The following ABITRAM variants were observed in gnomAD, a reference collection of about 807,000 sequenced individuals.
ABITRAM encodes actin binding transcription modulator.
Under a neutral mutation model 22.9 loss-of-function variants are expected in ABITRAM, and 19 were observed. The observed-to-expected ratio is 0.83, with a 90% CI of 0.58 to 1.22. The LOEUF is 1.22. Among genes scored for constraint, ABITRAM ranks in the 50% most tolerant of loss-of-function variants. The probability of loss-of-function intolerance (pLI) is 0.00; values close to 1 mark genes in which losing one functional copy is unlikely to be tolerated. For synonymous variants in ABITRAM, 70 were observed against 73.9 expected (o/e 0.95, Z 0.27); for missense variants, 215 against 220.2 (o/e 0.98, Z 0.15).
chr9:108,949,115 A>T (rs567510479), intron 3 of ABITRAM, among the ~76,000 whole-genome samples: 67 of 152,364 alleles, frequency 4.4e-4, no homozygotes, highest in African/African-American at 1.5e-3. Flanking sequence ...TAAATTATTA[A>T]GACAACCTTA....
Position 108,934,515 on chromosome 9 carries a change from C to A in ABITRAM, c.29C>A (p.Pro10Gln), listed in dbSNP as rs76817627. 8 of 1,605,670 alleles carry A rather than the reference C, an allele frequency of 5.0e-6. No individual in the cohort carries two copies. Among genetic ancestry groups the A allele is most frequent in the South Asian group, 1.1e-5 (1 of 89,930 alleles). MATEPEAAE[P>Q]VVPSLVDRYF... ...GCTACCGAGCCCGAAGCCGCGGAGC[C>A]GGTGGTGCCTTCGCTCGTGGATCGA... The change falls in exon 1 of 6, where the codon CCG becomes CAG. Residue 10 changes from proline (P) to glutamine (Q), a missense_variant. By Grantham distance (76) the Pro-to-Gln change is moderately conservative. Transcript: ENST00000322940.
Position 108,939,379 on chromosome 9 carries a change from T to A in ABITRAM, c.339-6T>A, listed in dbSNP as rs781356437. 5 of 1,600,404 alleles carry A rather than the reference T, an allele frequency of 3.1e-6. No homozygotes were observed. In the East Asian group the frequency reaches 6.7e-5, roughly 21 times the overall value. The stretch of plus-strand genomic sequence containing the variant: ...AACATGCTGAAATCTTAAATTTTTT[T>A]AATAGTTGTGTTAGAGGACGTTTGA... On this transcript the variant is annotated splice_polypyrimidine_tract_variant and splice_region_variant and intron_variant, in intron 4 of 5. Coordinates refer to ENST00000322940, the MANE Select transcript of ABITRAM (RefSeq NM_017832.4).
intron 1 of ABITRAM, among the ~76,000 whole-genome samples, chr9:108,935,371 C>T (rs139909401): frequency 6.6e-6 from 1 of 152,256 alleles, no homozygotes; most frequent in East Asian, 1.9e-4. Context: ...ACTACGTGTA[C>T]TCATTTTGAA....
chr9:108,945,623 C>T (rs545879995), downstream of ABITRAM, among the ~76,000 whole-genome samples: 3 of 109,846 alleles, frequency 2.7e-5, no homozygotes, highest in Non-Finnish European at 3.8e-5. Context: ...CACCATGCCC[C>T]GCTAGTTTTT....
At chr9:108,939,124 AC>A in intron 3 of ABITRAM, 71 bp from the exon 4 acceptor site, 1 of 1,251,380 alleles carries the variant, frequency 8.0e-7, no homozygotes, top group Non-Finnish European at 1.2e-6. Flanking sequence ...CCTGTTATAC[AC>A]CTAAGGGCTA....
chr9:108,943,807 C>A (rs866167967), downstream of ABITRAM: 1 of 1,613,272 alleles, frequency 6.2e-7, no homozygotes, highest in Admixed American at 1.7e-5. Flanking sequence ...AGCTTGTCAT[C>A]GTCTTTCAGC....
Position 108,939,828 on chromosome 9 carries a change from T to C in ABITRAM, c.*142T>C. The C allele has an allele frequency of 4.2e-6, 4 of 944,602 alleles. No homozygotes were observed. The highest frequency in any genetic ancestry group is 6.2e-6 in the Non-Finnish European group (4 of 643,462). 58.5% of individuals were successfully genotyped at this position (944,602 alleles called of 1,614,324 possible). On this transcript the variant is annotated 3_prime_UTR_variant, in exon 6 of 6. Coordinates refer to ENST00000322940, the MANE Select transcript of ABITRAM (RefSeq NM_017832.4). ...GGGGAGGCCTAGTGCTTCACTTAGT[T>C]TTCCCTCTCTGTCTTCATAATGAGC...
chr9:108,950,532 A>G, exon 4 of ABITRAM: 1 of 1,550,408 alleles, frequency 6.4e-7, no homozygotes, highest in Non-Finnish European at 8.7e-7. Flanking sequence ...GAAAAGGTAG[A>G]AGACGTCATC....
chr9:108,942,554 A>G (rs1418324010), downstream of ABITRAM: 1 of 550,860 alleles, frequency 1.8e-6, no homozygotes, highest in African/African-American at 1.9e-5. Flanking sequence ...TTCTATTTTA[A>G]AAATCACACT....
At chr9:108,944,370 A>T (rs540239140), downstream of ABITRAM, among the ~76,000 whole-genome samples, 8 of 152,298 alleles carry the variant, frequency 5.3e-5, no homozygotes, top group East Asian at 1.5e-3. Context: ...TTATAAAAGG[A>T]TGATGAATTT....
chr9:108,935,524 C>T lies in ABITRAM; in HGVS notation c.80-114C>T, dbSNP rs544917917. On this transcript the variant is annotated intron_variant, in intron 1 of 5. Transcript: ENST00000322940. ...GTAATGAAGGGATACCCGTGATCAG[C>T]ATGCAGCATGTATGTGTCCAGTCTT... The T allele has an allele frequency of 9.0e-6, 7 of 779,108 alleles. No homozygotes were observed. The South Asian group carries it at 9.6e-5, about 11-fold the overall frequency. The allele number at this position is 779,108 out of a possible 1,614,324, so 48.3% of individuals were successfully genotyped here.
downstream of ABITRAM, among the ~76,000 whole-genome samples, chr9:108,944,426 G>C (rs12057015): frequency 2.0e-5 from 3 of 152,214 alleles, no homozygotes; most frequent in East Asian, 5.8e-4. Flanking sequence ...ATTCCATCTA[G>C]GCAAGACAAA....
At chr9:108,938,269 G>A (rs1375049697) in intron 3 of ABITRAM, among the ~76,000 whole-genome samples, 6 of 152,170 alleles carry the variant, frequency 3.9e-5, no homozygotes, top group Non-Finnish European at 8.8e-5. Context: ...ACCCACGTGC[G>A]GAGGAGTGAA....
At chr9:108,942,657 T>C (rs1164403636), downstream of ABITRAM, 7 of 775,608 alleles carry the variant, frequency 9.0e-6, no homozygotes, top group Non-Finnish European at 1.5e-5. Flanking sequence ...AAAATTTCAA[T>C]ATTGTTTTCT....
downstream of ABITRAM, chr9:108,944,152 A>T (rs28361180): frequency 1.2e-6 from 1 of 843,238 alleles, no homozygotes; most frequent in Non-Finnish European, 1.8e-6. Flanking sequence ...AGGAACTCCT[A>T]AACTTTTTCC....
chr9:108,937,005 C>A (rs1830197410), intron 3 of ABITRAM, among the ~76,000 whole-genome samples: 1 of 151,884 alleles, frequency 6.6e-6, no homozygotes, highest in South Asian at 2.1e-4. Context: ...TATAAAAATA[C>A]AAAAATTAGC....
Position 108,939,895 on chromosome 9 carries a change from C to A in ABITRAM, c.*209C>A. ...CTACAGCCTGCCAGATCTGGCCTGC[C>A]CATGTACTCACACTGTTCTCTTGCA... On this transcript the variant is annotated 3_prime_UTR_variant, in exon 6 of 6. Coordinates refer to ENST00000322940, the MANE Select transcript of ABITRAM (RefSeq NM_017832.4). 1.9e-6 allele frequency: 1 copy of A among 526,418 alleles called. No individual in the cohort carries two copies. Among genetic ancestry groups the A allele is most frequent in the Non-Finnish European group, 3.3e-6 (1 of 303,362 alleles). 32.6% of individuals were successfully genotyped at this position (526,418 alleles called of 1,614,324 possible).
intron 2 of ABITRAM, 112 bp from the exon 3 acceptor site, chr9:108,936,196 G>A: frequency 8.4e-7 from 1 of 1,190,160 alleles, no homozygotes. Context: ...AAAGGGGGAA[G>A]ATGATAGTTT....
At chr9:108,947,325 A>C in intron 3 of ABITRAM, among the ~76,000 whole-genome samples, 1 of 152,116 alleles carries the variant, frequency 6.6e-6, no homozygotes, top group African/African-American at 2.4e-5. Context: ...GTGTTAGCCA[A>C]GATGGTCTCG....
Sources: allele counts gnomAD v4.1 joint callset (sites outside exome capture counted in the v4.1 genomes callset), GRCh38; gene constraint gnomAD v4.1.1; transcripts MANE v1.5; gene names NCBI Gene and HGNC (gene_info 2026-07-23, HGNC 2026-07-21).